The following PLB1 variants were observed in gnomAD, a reference collection of about 807,000 sequenced individuals.
The protein encoded by PLB1 is phospholipase B1.
Under a neutral mutation model 227.4 loss-of-function variants are expected in PLB1, and 242 were observed. The observed-to-expected ratio is 1.06, with a 90% CI of 0.96 to 1.18. PLB1 has a LOEUF of 1.18. Among genes scored for constraint, PLB1 ranks in the 50% most tolerant of loss-of-function variants. The pLI is 0.00. For missense variants in PLB1, 1,858 were observed against 1,816.3 expected, an observed-to-expected ratio of 1.02 and a Z score of -0.42; for synonymous variants, 757 against 682.2, an observed-to-expected ratio of 1.11 and a Z score of -1.71.
At chr2:28,575,467 C>T (rs1029363368) in intron 21 of PLB1, among the ~76,000 whole-genome samples, 1 of 152,164 alleles carries the variant, frequency 6.6e-6, no homozygotes, top group Non-Finnish European at 1.5e-5. Flanking sequence ...TTCCAGCTCT[C>T]AGCACCATCC....
chr2:28,503,474 G>A (rs1019150202), intron 1 of PLB1, among the ~76,000 whole-genome samples: 5 of 152,088 alleles, frequency 3.3e-5, no homozygotes, highest in African/African-American at 4.8e-5. Flanking sequence ...CTATGTCACC[G>A]TTCTCTATTG....
rs201563125 is a variant in PLB1 at position 28,630,589 on chromosome 2, C to T, written c.3822C>T (p.Asn1274=). Residue 1274 remains asparagine (N), a synonymous_variant, in exon 54 of 58, where the codon AAC becomes AAT. Coordinates refer to ENST00000327757, the MANE Select transcript of PLB1 (RefSeq NM_153021.5). The part of the protein sequence containing the change: ...GGKCAMLAAQ[N]NCTCLRHSQS... The stretch of plus-strand genomic sequence containing the variant: ...TACAACACTCCCTGTCTCACAGGAA[C>T]AACTGCACTTGCCTCAGACACTCGC... 37 of 1,613,404 alleles carry T rather than the reference C, an allele frequency of 2.3e-5. No individual in the cohort carries two copies. The highest frequency in any genetic ancestry group is 2.9e-5 in the Non-Finnish European group (34 of 1,179,630).
At chr2:28,622,861 G>A (rs556507658) in intron 49 of PLB1, among the ~76,000 whole-genome samples, 5 of 152,100 alleles carry the variant, frequency 3.3e-5, no homozygotes, top group South Asian at 2.1e-4. Flanking sequence ...ACTCCAGCCC[G>A]GATAACAAGA....
intron 20 of PLB1, 139 bp from the exon 21 acceptor site, chr2:28,573,058 C>T (rs1410379848): frequency 1.9e-5 from 12 of 646,106 alleles, no homozygotes; most frequent in Non-Finnish European, 2.2e-5. Context: ...ATTTTCTTCC[C>T]ATGCTGAGTG....
intron 57 of PLB1, among the ~76,000 whole-genome samples, chr2:28,642,383 C>T (rs985385195): frequency 5.3e-5 from 8 of 152,214 alleles, no homozygotes; most frequent in South Asian, 2.1e-4. Flanking sequence ...AGAACGCACA[C>T]GATCTGCCCA....
intron 43 of PLB1, among the ~76,000 whole-genome samples, chr2:28,607,126 C>T (rs1469726132): frequency 6.6e-6 from 1 of 152,072 alleles, no homozygotes; most frequent in Admixed American, 6.6e-5. Flanking sequence ...AGGAGGAATC[C>T]GTAAGTGGTT....
At chr2:28,640,824 C>G (rs932177169) in intron 56 of PLB1, 103 bp from the exon 57 acceptor site, 3 of 1,219,756 alleles carry the variant, frequency 2.5e-6, no homozygotes, top group East Asian at 2.7e-5. Flanking sequence ...TTCTATCCCC[C>G]ACCCCGTTCC....
chr2:28,581,486 A>AAAAAT (rs1553439253), intron 23 of PLB1, among the ~76,000 whole-genome samples: 1 of 111,160 alleles, frequency 9.0e-6, no homozygotes, highest in Non-Finnish European at 1.8e-5. Context: ...TCCACGCAAA[A>AAAAAT]AAATAAATAA....
chr2:28,602,240 A>C (rs955825227), intron 38 of PLB1, among the ~76,000 whole-genome samples: 1 of 152,136 alleles, frequency 6.6e-6, no homozygotes, highest in Non-Finnish European at 1.5e-5. Flanking sequence ...CCCCACTACT[A>C]TCCGGGACAT....
chr2:28,548,489 T>C (rs1170909653), intron 14 of PLB1: 2 of 463,430 alleles, frequency 4.3e-6, no homozygotes, highest in Admixed American at 4.9e-5. Context: ...AGGACACCAA[T>C]GTTGGAGTCC....
chr2:28,506,909 G>T (rs1318829265), intron 1 of PLB1, among the ~76,000 whole-genome samples: 1 of 152,176 alleles, frequency 6.6e-6, no homozygotes, highest in Non-Finnish European at 1.5e-5. Context: ...CTCTGAGAAT[G>T]AGGGGTCCTA....
intron 18 of PLB1, 61 bp downstream of exon 18, chr2:28,563,160 T>C (rs1178232479): frequency 1.2e-5 from 18 of 1,516,322 alleles, no homozygotes; most frequent in Non-Finnish European, 1.5e-5. Context: ...TATGAGAACC[T>C]GGAGAGGAAA....
In PLB1 at chr2:28,516,888, G is replaced by A. The variant is rs1165049941; in HGVS notation, c.117+19G>A. The A allele has an allele frequency of 1.2e-6, 2 of 1,610,840 alleles. No individual in the cohort carries two copies. Among genetic ancestry groups the A allele is most frequent in the Non-Finnish European group, 1.7e-6 (2 of 1,177,136 alleles). On this transcript the variant is annotated intron_variant, in intron 2 of 57. Transcript: ENST00000327757. ...GCCAGAGGTAAGGGCTTTGGCTGGT[G>A]GGAGGTGCGTGTGTATGGAGGGGAG... is the stretch of plus-strand genomic sequence containing the variant.
chr2:28,499,442 C>T (rs186849863), intron 1 of PLB1, among the ~76,000 whole-genome samples: 24 of 152,020 alleles, frequency 1.6e-4, no homozygotes, highest in Admixed American at 5.9e-4. Flanking sequence ...CCAATAATGA[C>T]GGTGTTGTTA....
intron 17 of PLB1, among the ~76,000 whole-genome samples, chr2:28,558,062 A>G (rs528924917): frequency 6.6e-6 from 1 of 152,276 alleles, no homozygotes; most frequent in Non-Finnish European, 1.5e-5. Flanking sequence ...AGATGACGTC[A>G]GGCACTTTCA....
chr2:28,533,637 ATT>A (rs934960846), intron 9 of PLB1, among the ~76,000 whole-genome samples: 1 of 152,262 alleles, frequency 6.6e-6, no homozygotes, highest in African/African-American at 2.4e-5. Context: ...GTATAAATTC[ATT>A]TTCTCATCTT....
rs1344222545 is a variant in PLB1 at position 28,573,354 on chromosome 2, CA to C, written c.1433+50del. 4 of 1,431,622 alleles carry C rather than the reference CA, an allele frequency of 2.8e-6. No homozygotes were observed. In the African/African-American group the frequency reaches 4.2e-5, roughly 15 times the overall value. 88.7% of individuals were successfully genotyped at this position (1,431,622 alleles called of 1,614,324 possible). ...TGAACAGCACAGGTCCTCTGAGGAC[CA>C]GGGGTGGGCTTGGCCTAAACTGGGT... On this transcript the variant is annotated intron_variant, in intron 21 of 57. Coordinates refer to ENST00000327757, the MANE Select transcript of PLB1 (RefSeq NM_153021.5).
At chr2:28,569,661 T>A (rs1677656793) in intron 20 of PLB1, among the ~76,000 whole-genome samples, 1 of 152,012 alleles carries the variant, frequency 6.6e-6, no homozygotes, top group Non-Finnish European at 1.5e-5. Context: ...TGAAATTGAA[T>A]CCATAAAAAG....
At chr2:28,585,656 C>T (rs1680783402) in intron 25 of PLB1, 105 bp from the exon 26 acceptor site, 1 of 959,176 alleles carries the variant, frequency 1.0e-6, no homozygotes, top group East Asian at 2.4e-5. Flanking sequence ...TCTCTGAACT[C>T]CAAGTTAAAA....
Sources: allele counts gnomAD v4.1 joint callset (sites outside exome capture counted in the v4.1 genomes callset), GRCh38; gene constraint gnomAD v4.1.1; transcripts MANE v1.5; gene names NCBI Gene and HGNC (gene_info 2026-07-23, HGNC 2026-07-21).